The following KLF8 variants were observed in gnomAD, a reference collection of about 807,000 sequenced individuals.
KLF8 encodes Krueppel-like factor 8.
Under a neutral mutation model 18.2 loss-of-function variants are expected in KLF8, and 10 were observed. The observed-to-expected ratio is 0.55, with a 90% CI of 0.34 to 0.93. The LOEUF is 0.93. KLF8 is among the 40% of genes least tolerant of loss of function. The pLI is 0.02. For missense variants in KLF8, 264 were observed against 277.9 expected (o/e 0.95, Z 0.36); for synonymous variants, 109 against 97.3 (o/e 1.12, Z -0.71).
the KLF8 span, among the ~76,000 whole-genome samples, chrX:55,921,420 C>T: frequency 9.0e-6 from 1 of 111,704 alleles, no homozygotes; most frequent in African/African-American, 3.3e-5. Flanking sequence ...TGTATGGGTA[C>T]CATGCTGTTT....
chrX:55,938,262 T>C, the KLF8 span, among the ~76,000 whole-genome samples: 1 of 111,442 alleles, frequency 9.0e-6, no homozygotes, highest in Non-Finnish European at 1.9e-5. Context: ...GAATTTCATA[T>C]CCAACCAAAC....
the KLF8 span, among the ~76,000 whole-genome samples, chrX:56,095,693 A>G: frequency 8.9e-6 from 1 of 112,054 alleles, no homozygotes; most frequent in Non-Finnish European, 1.9e-5. Flanking sequence ...ACTAAGAAAC[A>G]TAAAAAATCC....
At chrX:56,230,663 G>C (rs1476803774), upstream of KLF8, among the ~76,000 whole-genome samples, 2 of 111,830 alleles carry the variant, frequency 1.8e-5, no homozygotes, top group African/African-American at 6.5e-5. Flanking sequence ...CCATAGGATT[G>C]TCAGAAGGAT....
the KLF8 span, among the ~76,000 whole-genome samples, chrX:55,919,579 C>G: frequency 9.0e-6 from 1 of 111,084 alleles, no homozygotes; most frequent in Non-Finnish European, 1.9e-5. Flanking sequence ...TGTGTGAGAG[C>G]TGGGTGAGGC....
At chrX:56,277,867 A>C (rs373733242) in intron 5 of KLF8, among the ~76,000 whole-genome samples, 1 of 112,517 alleles carries the variant, frequency 8.9e-6, no homozygotes, top group Non-Finnish European at 1.9e-5. Flanking sequence ...AAACCATGAG[A>C]CACAGTTCTT....
chrX:56,195,668 A>T, the KLF8 span, among the ~76,000 whole-genome samples: 1 of 112,080 alleles, frequency 8.9e-6, no homozygotes, highest in Non-Finnish European at 1.9e-5. Flanking sequence ...TCAAGATATT[A>T]TCCAGGAGAA....
chrX:56,050,276 G>T, the KLF8 span, among the ~76,000 whole-genome samples: 1 of 111,293 alleles, frequency 9.0e-6, no homozygotes. Context: ...CTTCAGTTCT[G>T]CTGTGATTTT....
At chrX:55,997,087 G>A in the KLF8 span, among the ~76,000 whole-genome samples, 2 of 111,745 alleles carry the variant, frequency 1.8e-5, no homozygotes, top group African/African-American at 6.5e-5. Context: ...GAGTCTGCTG[G>A]TAAAGGAGCT....
the KLF8 span, among the ~76,000 whole-genome samples, chrX:56,082,423 T>G: frequency 5.4e-5 from 6 of 111,039 alleles, no homozygotes; most frequent in Admixed American, 5.8e-4. Context: ...TTTGTTTACT[T>G]TCTGCCTCAT....
the KLF8 span, among the ~76,000 whole-genome samples, chrX:56,164,660 AT>A: frequency 2.0e-5 from 2 of 100,949 alleles, no homozygotes; most frequent in Non-Finnish European, 4.0e-5. Context: ...TAAAATTACT[AT>A]CTTTTCTGTA....
the KLF8 span, among the ~76,000 whole-genome samples, chrX:56,185,560 G>A: frequency 1.8e-5 from 2 of 111,202 alleles, no homozygotes; most frequent in Non-Finnish European, 3.8e-5. Flanking sequence ...GCAACTCCAA[G>A]ACACATAATT....
chrX:56,202,720 T>C, the KLF8 span, among the ~76,000 whole-genome samples: 1 of 110,296 alleles, frequency 9.1e-6, no homozygotes, highest in Admixed American at 9.7e-5. Flanking sequence ...AACATAATGA[T>C]CTCCAGTTCC....
chrX:56,047,698 C>T, the KLF8 span, among the ~76,000 whole-genome samples: 1 of 111,138 alleles, frequency 9.0e-6, no homozygotes, highest in Non-Finnish European at 1.9e-5. Flanking sequence ...CAAGTCTTTG[C>T]TATTGTGAAT....
At chrX:55,935,143 G>C in the KLF8 span, among the ~76,000 whole-genome samples, 4 of 112,454 alleles carry the variant, frequency 3.6e-5, no homozygotes, top group African/African-American at 1.3e-4. Context: ...CTAATACTAA[G>C]TGCTGGTGAA....
chrX:55,936,648 G>T, the KLF8 span, among the ~76,000 whole-genome samples: 4 of 112,595 alleles, frequency 3.6e-5, no homozygotes, highest in Non-Finnish European at 7.5e-5. Context: ...GGTGACAGAT[G>T]GCACCTGGAA....
the KLF8 span, among the ~76,000 whole-genome samples, chrX:56,128,179 G>C: frequency 2.4e-4 from 27 of 112,186 alleles, no homozygotes; most frequent in African/African-American, 8.1e-4. Flanking sequence ...AGCAACAGAT[G>C]GAGAGAAACT....
the KLF8 span, among the ~76,000 whole-genome samples, chrX:56,018,418 G>A: frequency 9.0e-6 from 1 of 111,408 alleles, no homozygotes; most frequent in Non-Finnish European, 1.9e-5. Flanking sequence ...CTTTGACATA[G>A]CTCTGAATGA....
chrX:56,180,067 TA>T, the KLF8 span, among the ~76,000 whole-genome samples: 1 of 111,751 alleles, frequency 8.9e-6, no homozygotes, highest in Non-Finnish European at 1.9e-5. Context: ...GAAAGAATGG[TA>T]CCAGCCCCTC....
chrX:56,196,268 T>A, the KLF8 span, among the ~76,000 whole-genome samples: 2 of 111,407 alleles, frequency 1.8e-5, no homozygotes, highest in East Asian at 2.8e-4. Flanking sequence ...AATGCCCCAA[T>A]TAAAAGACAC....
Sources: allele counts gnomAD v4.1 joint callset (sites outside exome capture counted in the v4.1 genomes callset), GRCh38; gene constraint gnomAD v4.1.1; transcripts MANE v1.5; gene names NCBI Gene and HGNC (gene_info 2026-07-23, HGNC 2026-07-21).